Variants in CFAP47 observed in about 807,000 individuals in gnomAD.
CFAP47 encodes cilia- and flagella-associated protein 47.
CFAP47 carries 29 observed loss-of-function variants against 148.1 expected under a neutral mutation model. The observed-to-expected ratio is 0.20, with a 90% confidence interval of 0.15 to 0.27. CFAP47 has a LOEUF of 0.27. Among genes scored for constraint, CFAP47 ranks in the 10% least tolerant of loss-of-function variants. The pLI, the probability that CFAP47 is intolerant of heterozygous loss-of-function variation, is 1.00. For synonymous variants in CFAP47, 664 were observed against 577.3 expected (o/e 1.15, Z -2.15); for missense variants, 1,872 against 1,697.5 (o/e 1.10, Z -1.81).
intron 33 of CFAP47, among the ~76,000 whole-genome samples, chrX:36,123,568 C>T (rs1258373649): frequency 9.0e-6 from 1 of 111,726 alleles, no homozygotes; most frequent in Admixed American, 9.5e-5. Context: ...GTGGCCACAA[C>T]CACCACAGGC....
intron 21 of CFAP47, among the ~76,000 whole-genome samples, chrX:36,010,878 G>A (rs1394407089): frequency 9.0e-6 from 1 of 111,441 alleles, no homozygotes; most frequent in Non-Finnish European, 1.9e-5. Context: ...ACGTATTTAA[G>A]ACAGTGGCTT....
chrX:36,361,566 A>G (rs781946109), intron 61 of CFAP47, 65 bp downstream of exon 61: 1 of 451,986 alleles, frequency 2.2e-6, no homozygotes, highest in South Asian at 9.1e-5. Flanking sequence ...ATTAATGTTG[A>G]TTTCTCTTTT....
Position 35,972,016 on chromosome X carries a change from G to T in CFAP47, c.2254+51G>T, listed in dbSNP as rs753836358. On this transcript the variant is annotated intron_variant, in intron 13 of 63. Transcript: ENST00000378653. ...AGCCTTTATTTTTTTATAAAAAAAA[G>T]ATTTCTTAAAGTGTAATTTATATTT... 55 of 782,566 alleles carry T rather than the reference G, an allele frequency of 7.0e-5. No individual in the cohort carries two copies. In the African/African-American group the frequency reaches 1.1e-3, roughly 16 times the overall value. The allele number at this position is 782,566 out of a possible 1,213,427, so 64.5% of individuals were successfully genotyped here.
At chrX:35,986,336 G>A (rs780544399) in intron 15 of CFAP47, among the ~76,000 whole-genome samples, 6 of 108,622 alleles carry the variant, frequency 5.5e-5, no homozygotes, top group East Asian at 2.9e-4. Flanking sequence ...TCTTGTGTTC[G>A]TACTTTATTT....
At chrX:36,237,820 A>G (rs1215967515) in intron 48 of CFAP47, among the ~76,000 whole-genome samples, 1 of 111,619 alleles carries the variant, frequency 9.0e-6, no homozygotes, top group African/African-American at 3.3e-5. Context: ...AGAGGGGACT[A>G]CAGAAGTTTG....
intron 33 of CFAP47, among the ~76,000 whole-genome samples, chrX:36,133,798 T>TA (rs568711243): frequency 0.11 from 10,125 of 89,488 alleles, 1,222 homozygotes; most frequent in African/African-American, 0.34. Context: ...CATTGCAGTT[T>TA]AAAAAAAAAA....
At chrX:36,219,893 C>T (rs1373031215) in intron 45 of CFAP47, among the ~76,000 whole-genome samples, 1 of 111,408 alleles carries the variant, frequency 9.0e-6, no homozygotes, top group African/African-American at 3.3e-5. Context: ...CACATGTTGT[C>T]AGGACCTCTT....
chrX:36,280,162 G>A (rs73199349), intron 49 of CFAP47, among the ~76,000 whole-genome samples: 6,400 of 110,966 alleles, frequency 0.058, 158 homozygotes, highest in Middle Eastern at 0.13. Context: ...AAGAAAATAA[G>A]AACAGTTACC....
At chrX:36,103,554 G>A (rs1938417093) in intron 32 of CFAP47, among the ~76,000 whole-genome samples, 1 of 97,255 alleles carries the variant, frequency 1.0e-5, no homozygotes, top group African/African-American at 3.9e-5. Flanking sequence ...AGACTTACAG[G>A]TTTTCACAAT....
At chrX:35,950,167 T>C (rs1407733753) in intron 4 of CFAP47, among the ~76,000 whole-genome samples, 2 of 111,489 alleles carry the variant, frequency 1.8e-5, no homozygotes, top group African/African-American at 6.5e-5. Flanking sequence ...CCCAATGTTA[T>C]AGGATATAGT....
At chrX:35,936,911 T>C (rs1209090067) in intron 2 of CFAP47, among the ~76,000 whole-genome samples, 1 of 108,198 alleles carries the variant, frequency 9.2e-6, no homozygotes, top group Non-Finnish European at 1.9e-5. Flanking sequence ...AGTACCCCCT[T>C]GGCTGCCCAG....
chrX:36,258,809 A>T (rs1320433397), intron 49 of CFAP47, among the ~76,000 whole-genome samples: 2 of 112,051 alleles, frequency 1.8e-5, no homozygotes, highest in African/African-American at 6.5e-5. Flanking sequence ...CAATATAAAT[A>T]CTTTCTCTAT....
At chrX:36,349,019 A>T (rs1211590361) in intron 58 of CFAP47, among the ~76,000 whole-genome samples, 1 of 111,172 alleles carries the variant, frequency 9.0e-6, no homozygotes. Context: ...TATAGTCAAG[A>T]TTGGCTACAT....
chrX:36,379,462 G>C lies in CFAP47; in HGVS notation c.9298G>C (p.Val3100Leu). The C allele has an allele frequency of 8.6e-7, 1 of 1,164,927 alleles. No individual in the cohort carries two copies. The highest frequency in any genetic ancestry group is 1.1e-6 in the Non-Finnish European group (1 of 870,329). ...PFNTNGTLIT[V>L]GFKPKMYCRK... is the part of the protein sequence containing the mutation. ...TAACACAAACGGAACTCTCATCACT[G>C]TAGGATTTAAACCTAAAATGTACTG... The change falls in exon 63 of 64, where the codon GTA becomes CTA. Residue 3100 changes from valine (V) to leucine (L), a missense_variant. Coordinates refer to ENST00000378653, the MANE Select transcript of CFAP47 (RefSeq NM_001304548.2).
intron 51 of CFAP47, among the ~76,000 whole-genome samples, chrX:36,295,386 A>C (rs1461852746): frequency 8.9e-6 from 1 of 112,509 alleles, no homozygotes; most frequent in Non-Finnish European, 1.9e-5. Context: ...TGGACTGTGT[A>C]CTTCTCATTT....
intron 48 of CFAP47, among the ~76,000 whole-genome samples, chrX:36,239,292 G>T (rs1395273525): frequency 8.9e-6 from 1 of 112,513 alleles, no homozygotes; most frequent in Non-Finnish European, 1.9e-5. Context: ...GAATTTTTCA[G>T]TGATCTTGAA....
At chrX:35,989,971 A>G (rs1410923771) in intron 16 of CFAP47, 1 of 114,290 alleles carries the variant, frequency 8.7e-6, no homozygotes, top group Non-Finnish European at 1.8e-5. Context: ...GGCAAGTGAC[A>G]GAACTCAGTA....
Position 36,205,023 on chromosome X carries a change from A to G in CFAP47, c.6730A>G (p.Ser2244Gly). ...GACCGTTTCATACACAACAGAAGTG[A>G]GCCTTCCAAAGTATTTTTATATCCC... The part of the protein sequence containing the change: ...PKTVSYTTEV[S>G]LPKYFYIPEK... The change falls in exon 45 of 64, where the codon AGC becomes GGC. Residue 2244 changes from serine to glycine, a missense_variant. Transcript: ENST00000378653. The G allele has an allele frequency of 3.4e-6, 1 of 297,195 alleles. No individual in the cohort carries two copies. Among genetic ancestry groups the G allele is most frequent in the Non-Finnish European group, 5.9e-6 (1 of 170,024 alleles). 24.5% of individuals were successfully genotyped at this position (297,195 alleles called of 1,213,427 possible).
intron 29 of CFAP47, among the ~76,000 whole-genome samples, chrX:36,084,946 T>C (rs1938053001): frequency 1.8e-5 from 2 of 111,619 alleles, no homozygotes; most frequent in South Asian, 7.4e-4. Context: ...CTCCAATTTA[T>C]ATCATGCAAA....
Sources: gnomAD v4.1 joint callset for allele counts (sites outside exome capture counted in the v4.1 genomes callset) on GRCh38, gnomAD v4.1.1 for gene constraint, MANE v1.5 for transcripts, NCBI Gene and HGNC (gene_info 2026-07-23, HGNC 2026-07-21) for gene names.